Variants in SUN1 observed in about 807,000 individuals in gnomAD.
SUN1 encodes the protein SUN domain-containing protein 1.
SUN1 carries 61 observed loss-of-function variants against 103.2 expected under a neutral mutation model. The observed-to-expected ratio is 0.59, with a 90% CI of 0.48 to 0.73. The LOEUF is 0.73. Among genes scored for constraint, SUN1 ranks in the 30% least tolerant of loss-of-function variants. The probability of loss-of-function intolerance (pLI) is 0.00; values close to 1 mark genes in which losing one functional copy is unlikely to be tolerated. For missense variants in SUN1, 1,052 were observed against 1,034.6 expected, an observed-to-expected ratio of 1.02 and a Z score of -0.23; for synonymous variants, 490 against 425.7, an observed-to-expected ratio of 1.15 and a Z score of -1.86.
chr7:837,121 C>T (rs1804101748), intron 1 of SUN1, among the ~76,000 whole-genome samples: 1 of 152,214 alleles, frequency 6.6e-6, no homozygotes, highest in Non-Finnish European at 1.5e-5. Context: ...GAGTGCCAGG[C>T]CCCCTGGGGC....
chr7:826,983 A>C (rs972946786), intron 1 of SUN1, among the ~76,000 whole-genome samples: 8 of 152,142 alleles, frequency 5.3e-5, no homozygotes, highest in Non-Finnish European at 1.0e-4. Context: ...TCCTGAGAAA[A>C]GATGGTGTGT....
chr7:820,851 C>G (rs1785202765), intron 1 of SUN1, among the ~76,000 whole-genome samples: 1 of 152,148 alleles, frequency 6.6e-6, no homozygotes, highest in South Asian at 2.1e-4. Context: ...TATTCAGTTT[C>G]TCCTGTATTT....
rs142734717 is a variant in SUN1, at chr7:873,616, T to C, written c.*285T>C. 4.0e-4 allele frequency: 138 copies of C among 341,432 alleles called. No individual in the cohort carries two copies. The Middle Eastern group carries it at 4.3e-3, about 11-fold the overall frequency. 21.2% of individuals were successfully genotyped at this position (341,432 alleles called of 1,614,324 possible). A position where few individuals can be genotyped will look rare whatever the true frequency, so the allele number is the denominator to read the frequency against. On this transcript the variant is annotated 3_prime_UTR_variant, in exon 19 of 19. Transcript: ENST00000401592. ...TAACGGGAAGCTCTTTGCATTTGCA[T>C]TTCCTCAACAAAGGAGCAAAGCAGA... is the stretch of plus-strand genomic sequence containing the variant.
At chr7:857,718 C>T in intron 12 of SUN1, 110 bp from the exon 13 acceptor site, 1 of 1,362,208 alleles carries the variant, frequency 7.3e-7, no homozygotes, top group Non-Finnish European at 9.7e-7. Context: ...GACATCTGTA[C>T]AGTTGTGACA....
At chr7:842,793 T>G (rs1192191040) in intron 3 of SUN1, 1 of 273,416 alleles carries the variant, frequency 3.7e-6, no homozygotes, top group African/African-American at 2.3e-5. Flanking sequence ...TCACATGTGC[T>G]AATTTTGGGA....
At chr7:840,583 T>G (rs548966331) in intron 2 of SUN1, among the ~76,000 whole-genome samples, 1 of 152,170 alleles carries the variant, frequency 6.6e-6, no homozygotes, top group Admixed American at 6.5e-5. Context: ...CTGATGGCTT[T>G]CCTGTTGTCA....
Position 872,496 on chromosome 7 carries a change from A to C in SUN1, c.2175A>C (p.Glu725Asp). Residue 725 changes from glutamate (E) to aspartate (D), a missense_variant, in exon 18 of 19, where the codon GAA becomes GAC. Transcript: ENST00000401592. Reference protein sequence around the residue: ...VYGLENEYQEEGQLLGQFTYD... With the variant: ...VYGLENEYQEDGQLLGQFTYD... The stretch of plus-strand genomic sequence containing the variant: ...GATTAGAAAATGAGTATCAGGAAGA[A>C]GGGCAGCTTCTGGGACAGTTCACGT... The C allele has an allele frequency of 6.2e-7, 1 of 1,605,334 alleles. No homozygotes were observed. The highest frequency in any genetic ancestry group is 8.5e-7 in the Non-Finnish European group (1 of 1,175,876).
At chr7:817,388 C>G in intron 1 of SUN1, 2 of 1,534,022 alleles carry the variant, frequency 1.3e-6, no homozygotes, top group Non-Finnish European at 1.7e-6. Context: ...GTTGCGCCTT[C>G]AAAGTGCCCA....
chr7:852,782 T>C, intron 8 of SUN1, 28 bp from the exon 9 acceptor site: 2 of 1,611,560 alleles, frequency 1.2e-6, no homozygotes, highest in Non-Finnish European at 1.7e-6. Flanking sequence ...GGTGTACCTG[T>C]GTGTGTGTGG....
In SUN1 at chr7:873,685, C is replaced by T. The variant is rs1272081671; in HGVS notation, c.*354C>T. On this transcript the variant is annotated 3_prime_UTR_variant, in exon 19 of 19. Coordinates refer to ENST00000401592, the MANE Select transcript of SUN1 (RefSeq NM_001130965.3). ...GTGTTCTTGACGCTTTGGTCTTCAG[C>T]CTTGCACTGGCTCTTCTAAAGGACT... 2 of 193,648 alleles carry T rather than the reference C, an allele frequency of 1.0e-5. No homozygotes were observed. The highest frequency in any genetic ancestry group is 5.8e-5 in the Admixed American group (1 of 17,200). The allele number at this position is 193,648 out of a possible 1,614,324, so 12.0% of individuals were successfully genotyped here.
At chr7:858,930 G>C (rs944846991) in intron 13 of SUN1, among the ~76,000 whole-genome samples, 1 of 152,136 alleles carries the variant, frequency 6.6e-6, no homozygotes, top group Admixed American at 6.5e-5. Flanking sequence ...GAGGTGGGCG[G>C]ATCACCTGAG....
Position 853,581 on chromosome 7 carries a change from C to A in SUN1, c.1226C>A (p.Ala409Asp). The A allele has an allele frequency of 1.2e-6, 2 of 1,608,108 alleles. No homozygotes were observed. The highest frequency in any genetic ancestry group is 1.1e-5 in the South Asian group (1 of 91,062). ...QMEGGAAGPS[A>D]SVRDAVGQPP... The stretch of plus-strand genomic sequence containing the variant: ...GAAGGCGGCGCTGCCGGGCCGTCAG[C>A]TTCGGTCAGAGACGCTGTGGGACAG... Residue 409 changes from alanine to aspartate, a missense_variant, in exon 10 of 19, where the codon GCT (alanine) becomes GAT (aspartate). Ala to Asp is a moderately radical substitution (Grantham distance 126, BLOSUM62 -2). Around this residue, in one of 2 missense-constraint regions of SUN1, gnomAD observed 846 missense variants for 774.5 expected, o/e 1.09. Coordinates refer to ENST00000401592, the MANE Select transcript of SUN1 (RefSeq NM_001130965.3).
chr7:816,203 GACCCCTCCCCCAGGTGC>G (rs1780382002), upstream of SUN1: 4 of 222,902 alleles, frequency 1.8e-5, no homozygotes, highest in African/African-American at 1.1e-4. Context: ...CCCAGGTGCA[GACCCCTCCCCCAGGTGC>G]AGACCCCTCC....
At position 873,554 on chromosome 7, in the gene SUN1, C is replaced by G. The variant is rs192484207; in HGVS notation, c.*223C>G. The G allele has an allele frequency of 9.8e-5, 49 of 500,410 alleles. No homozygotes were observed. The Admixed American group carries it at 1.5e-3, about 15-fold the overall frequency. The allele number at this position is 500,410 out of a possible 1,614,324, so 31.0% of individuals were successfully genotyped here. A position where few individuals can be genotyped will look rare whatever the true frequency, so the allele number is the denominator to read the frequency against. On this transcript the variant is annotated 3_prime_UTR_variant, in exon 19 of 19. Coordinates refer to ENST00000401592, the MANE Select transcript of SUN1 (RefSeq NM_001130965.3). ...GCAGAGGGGTCAGCAGCAGGAGAAGCGTGTTGAACACGTGGCTCTCAGACA... is the reference window on the plus strand; with the variant it reads ...GCAGAGGGGTCAGCAGCAGGAGAAGGGTGTTGAACACGTGGCTCTCAGACA...
At chr7:843,175 A>G in intron 3 of SUN1, 31 bp from the exon 4 acceptor site, 1 of 1,592,860 alleles carries the variant, frequency 6.3e-7, no homozygotes, top group South Asian at 1.1e-5. Flanking sequence ...CAACAGCAAA[A>G]ATGTGTGTGT....
At chr7:854,678 G>A (rs1200851476) in intron 10 of SUN1, among the ~76,000 whole-genome samples, 1 of 152,206 alleles carries the variant, frequency 6.6e-6, no homozygotes, top group African/African-American at 2.4e-5. Flanking sequence ...AGGAGGTGGA[G>A]ACCCATGGCC....
rs1031687897 is a variant in SUN1 at position 872,524 on chromosome 7, G to C, written c.2203G>C (p.Asp735His). The C allele has an allele frequency of 2.5e-6, 4 of 1,602,328 alleles. No homozygotes were observed. Among genetic ancestry groups the C allele is most frequent in the Non-Finnish European group, 3.4e-6 (4 of 1,174,268 alleles). The change falls in exon 18 of 19, where the codon GAT (aspartate) becomes CAT (histidine). Residue 735 changes from aspartate (D) to histidine (H), a missense_variant. By Grantham distance (81) the Asp-to-His change is moderately conservative (BLOSUM62 -1). Around this residue, in one of 2 missense-constraint regions of SUN1, gnomAD observed 206 missense variants for 260.1 expected, o/e 0.79. Coordinates refer to ENST00000401592, the MANE Select transcript of SUN1 (RefSeq NM_001130965.3). ...EGQLLGQFTY[D>H]QDGESLQMFQ... ...GCAGCTTCTGGGACAGTTCACGTATGATCAGGATGGGGAGTCGCTCCAGAT... is the reference window on the plus strand; with the variant it reads ...GCAGCTTCTGGGACAGTTCACGTATCATCAGGATGGGGAGTCGCTCCAGAT...
intron 16 of SUN1, chr7:868,488 C>T (rs1048917639): frequency 2.7e-5 from 8 of 293,966 alleles, no homozygotes; most frequent in African/African-American, 7.0e-5. Context: ...TGATGTTGGT[C>T]GGATGGGGGG....
chr7:817,063 C>T (rs1473401119), intron 1 of SUN1, among the ~76,000 whole-genome samples: 4 of 151,998 alleles, frequency 2.6e-5, no homozygotes, highest in Non-Finnish European at 4.4e-5. Flanking sequence ...GGCTGCCCGC[C>T]TGGACCCCGT....
Sources: gnomAD v4.1 joint callset for allele counts (sites outside exome capture counted in the v4.1 genomes callset) on GRCh38, gnomAD v4.1.1 for gene constraint, gnomAD v4.1.1 regional missense constraint, MANE v1.5 for transcripts, NCBI Gene and HGNC (gene_info 2026-07-23, HGNC 2026-07-21) for gene names.